Variants in CSMD1 observed in about 807,000 individuals in gnomAD.
CSMD1 encodes CUB and Sushi multiple domains 1.
In CSMD1, 213 loss-of-function variants were observed where a neutral mutation model predicts 417.5. That is an observed-to-expected ratio of 0.51 (90% CI 0.46 to 0.57). CSMD1 has a LOEUF of 0.57. CSMD1 is among the 20% of genes least tolerant of loss of function. CSMD1 has a pLI of 0.00. For synonymous variants in CSMD1, 2,862 were observed against 1,736.8 expected, an observed-to-expected ratio of 1.65 and a Z score of -16.11; for missense variants, 6,923 against 4,529.7, an observed-to-expected ratio of 1.53 and a Z score of -15.17.
At chr8:4,100,085 C>T (rs375372063) in intron 3 of CSMD1, among the ~76,000 whole-genome samples, 1 of 152,046 alleles carries the variant, frequency 6.6e-6, no homozygotes, top group Non-Finnish European at 1.5e-5. Context: ...TGGGTTAATC[C>T]AGACTCCTAC....
chr8:4,900,038 C>A (rs748214550), intron 1 of CSMD1, among the ~76,000 whole-genome samples: 2 of 152,118 alleles, frequency 1.3e-5, no homozygotes, highest in Non-Finnish European at 2.9e-5. Flanking sequence ...CCTCAAAATA[C>A]GACGTTTTTG....
intron 8 of CSMD1, among the ~76,000 whole-genome samples, chr8:3,611,827 C>G (rs561420059): frequency 2.0e-5 from 3 of 152,004 alleles, no homozygotes; most frequent in Non-Finnish European, 4.4e-5. Flanking sequence ...CAAAATCATG[C>G]ATATACAAAA....
intron 7 of CSMD1, among the ~76,000 whole-genome samples, chr8:3,667,154 T>C (rs1292923839): frequency 1.3e-5 from 2 of 152,136 alleles, no homozygotes; most frequent in African/African-American, 4.8e-5. Flanking sequence ...GGGGGGCTGT[T>C]CTTATGGAGC....
chr8:3,567,261 A>C (rs1447995625), intron 10 of CSMD1, among the ~76,000 whole-genome samples: 4 of 152,004 alleles, frequency 2.6e-5, no homozygotes, highest in African/African-American at 9.7e-5. Flanking sequence ...GTCACTAGGA[A>C]CTACTGGAGG....
intron 3 of CSMD1, among the ~76,000 whole-genome samples, chr8:4,065,636 G>C (rs898420193): frequency 6.6e-6 from 1 of 152,096 alleles, no homozygotes; most frequent in Non-Finnish European, 1.5e-5. Flanking sequence ...CATGCACCAA[G>C]GCCAGGCAAT....
intron 5 of CSMD1, among the ~76,000 whole-genome samples, chr8:3,841,578 C>T (rs1278877394): frequency 6.6e-6 from 1 of 151,994 alleles, no homozygotes; most frequent in Non-Finnish European, 1.5e-5. Context: ...ATCACAAAAT[C>T]ACCAAATATT....
chr8:2,941,724 C>T (rs1266523777), intron 69 of CSMD1, among the ~76,000 whole-genome samples: 2 of 152,154 alleles, frequency 1.3e-5, no homozygotes, highest in East Asian at 3.9e-4. Flanking sequence ...AGAGATGGAA[C>T]ATCTATATTG....
intron 3 of CSMD1, among the ~76,000 whole-genome samples, chr8:4,330,570 A>G (rs1799810826): frequency 6.7e-6 from 1 of 150,052 alleles, no homozygotes; most frequent in Non-Finnish European, 1.5e-5. Context: ...AGCCTGGGCA[A>G]CAGAGTGAAA....
At chr8:2,947,921 A>G (rs547713448) in intron 68 of CSMD1, among the ~76,000 whole-genome samples, 13 of 149,574 alleles carry the variant, frequency 8.7e-5, no homozygotes, top group African/African-American at 3.2e-4. Flanking sequence ...TTTTATGATT[A>G]ATTATCCTTT....
chr8:4,698,271 C>T (rs1304466847), intron 1 of CSMD1, among the ~76,000 whole-genome samples: 4 of 151,728 alleles, frequency 2.6e-5, no homozygotes, highest in East Asian at 1.9e-4. Flanking sequence ...AGAGCTGTGT[C>T]GAATGCTGTA....
chr8:4,249,224 A>G (rs1802900200), intron 3 of CSMD1, among the ~76,000 whole-genome samples: 1 of 152,216 alleles, frequency 6.6e-6, no homozygotes. Context: ...AATTTATGGT[A>G]ACATACATAG....
At chr8:3,868,069 A>G (rs76420966) in intron 5 of CSMD1, among the ~76,000 whole-genome samples, 1,527 of 152,192 alleles carry the variant, frequency 0.01, 10 homozygotes, top group Middle Eastern at 0.034. Flanking sequence ...ACCCATTGCC[A>G]TATCTCTCAT....
intron 5 of CSMD1, among the ~76,000 whole-genome samples, chr8:3,816,912 T>G (rs1442973170): frequency 1.3e-5 from 2 of 152,186 alleles, no homozygotes; most frequent in African/African-American, 4.8e-5. Flanking sequence ...AAATTCTATA[T>G]GGTCCTCCCT....
At chr8:3,863,725 G>A (rs895864930) in intron 5 of CSMD1, among the ~76,000 whole-genome samples, 1 of 151,948 alleles carries the variant, frequency 6.6e-6, no homozygotes, top group African/African-American at 2.4e-5. Context: ...CTCTAATTCA[G>A]ATTTTGTTTT....
chr8:4,888,927 G>T (rs1320227750), intron 1 of CSMD1, among the ~76,000 whole-genome samples: 1 of 152,082 alleles, frequency 6.6e-6, no homozygotes, highest in Admixed American at 6.5e-5. Context: ...ATGAGTTAAT[G>T]AATGAGGAGA....
At chr8:3,056,290 G>A (rs1392875276) in intron 49 of CSMD1, among the ~76,000 whole-genome samples, 1 of 152,142 alleles carries the variant, frequency 6.6e-6, no homozygotes, top group East Asian at 1.9e-4. Flanking sequence ...AACCCCACAT[G>A]GGATTTCTTC....
intron 26 of CSMD1, among the ~76,000 whole-genome samples, chr8:3,251,828 T>C (rs1038753104): frequency 3.3e-5 from 5 of 152,342 alleles, no homozygotes; most frequent in Admixed American, 3.3e-4. Context: ...TTGAAGCAGT[T>C]GTGAATGGCA....
intron 18 of CSMD1, among the ~76,000 whole-genome samples, chr8:3,372,025 G>A (rs955220296): frequency 1.2e-4 from 18 of 152,184 alleles, no homozygotes; most frequent in African/African-American, 4.3e-4. Context: ...ATGAATTCCA[G>A]TTGGAAAAGA....
At chr8:4,563,931 G>C (rs751887960) in intron 2 of CSMD1, among the ~76,000 whole-genome samples, 16 of 152,134 alleles carry the variant, frequency 1.1e-4, no homozygotes, top group Non-Finnish European at 2.4e-4. Flanking sequence ...CAGTTCCACA[G>C]AATAAATTCC....
Sources: gnomAD v4.1 joint callset for allele counts (sites outside exome capture counted in the v4.1 genomes callset) on GRCh38, gnomAD v4.1.1 for gene constraint, MANE v1.5 for transcripts, NCBI Gene and HGNC (gene_info 2026-07-23, HGNC 2026-07-21) for gene names.